The following SLC15A1 variants were observed in gnomAD, a reference collection of about 807,000 sequenced individuals.
The protein encoded by SLC15A1 is solute carrier family 15 member 1.
SLC15A1 carries 83 observed loss-of-function variants against 92.9 expected under a neutral mutation model. The ratio of observed to expected loss-of-function variants is 0.89; its 90% CI spans 0.75 to 1.07. The LOEUF (loss-of-function observed/expected upper bound fraction) is 1.07, where lower values mean the gene tolerates loss of function less well. Among genes scored for constraint, SLC15A1 ranks in the 50% least tolerant of loss-of-function variants. SLC15A1 has a pLI of 0.00. For missense variants in SLC15A1, 857 were observed against 880.1 expected (o/e 0.97, Z 0.33); for synonymous variants, 322 against 318.2 (o/e 1.01, Z -0.13).
chr13:98,704,971 G>A (rs557497863), intron 16 of SLC15A1, among the ~76,000 whole-genome samples: 1 of 152,016 alleles, frequency 6.6e-6, no homozygotes, highest in East Asian at 1.9e-4. Flanking sequence ...GGCTGAGGCA[G>A]GCCAATCTCT....
chr13:98,739,559 A>ACCTC (rs1425436186), intron 1 of SLC15A1, among the ~76,000 whole-genome samples: 2 of 151,520 alleles, frequency 1.3e-5, no homozygotes, highest in African/African-American at 4.9e-5. Flanking sequence ...AGTATGTAGC[A>ACCTC]CCTCCCTGCT....
At chr13:98,687,543 G>A (rs1370043413) in intron 21 of SLC15A1, 38 bp downstream of exon 21, 2 of 1,605,476 alleles carry the variant, frequency 1.2e-6, no homozygotes, top group Non-Finnish European at 1.7e-6. Context: ...GCAGGCAGGG[G>A]TATTGCAGAT....
intron 5 of SLC15A1, 46 bp from the exon 6 acceptor site, chr13:98,721,949 G>A: frequency 1.3e-6 from 2 of 1,507,416 alleles, no homozygotes; most frequent in South Asian, 1.2e-5. Context: ...ATCCTCGCAA[G>A]TAGAAGGCCT....
intron 18 of SLC15A1, among the ~76,000 whole-genome samples, chr13:98,698,049 T>C (rs1386133962): frequency 6.6e-6 from 1 of 152,042 alleles, no homozygotes; most frequent in Non-Finnish European, 1.5e-5. Context: ...GCCAACTAGG[T>C]TACGGGGAAA....
rs573179959 is a variant in SLC15A1, at chr13:98,687,627, C to G, written c.1781G>C (p.Gly594Ala). 6.2e-7 allele frequency: 1 copy of G among 1,614,140 alleles called. No homozygotes were observed. Among genetic ancestry groups the G allele is most frequent in the Admixed American group, 1.7e-5 (1 of 60,018 alleles). The change falls in exon 21 of 23, where the codon GGC (glycine) becomes GCC (alanine). Residue 594 changes from glycine to alanine, a missense_variant. By Grantham distance (60) the Gly-to-Ala change is moderately conservative (BLOSUM62 0). Coordinates refer to ENST00000376503, the MANE Select transcript of SLC15A1 (RefSeq NM_005073.4). ...TCCCGTGACAGAGAAGACCACTTCGCCACAGGTGAGAAGAAAATACTGCGG... is the reference window on the plus strand; with the variant it reads ...TCCCGTGACAGAGAAGACCACTTCGGCACAGGTGAGAAGAAAATACTGCGG... Reference protein sequence around the residue: ...QIPQYFLLTCGEVVFSVTGLE... With the variant: ...QIPQYFLLTCAEVVFSVTGLE...
At chr13:98,738,987 C>T (rs185402291) in intron 1 of SLC15A1, among the ~76,000 whole-genome samples, 3 of 152,228 alleles carry the variant, frequency 2.0e-5, no homozygotes, top group East Asian at 1.9e-4. Flanking sequence ...AAAGCCCTGG[C>T]ACCCCACTTC....
chr13:98,735,935 C>A (rs1425379962), intron 1 of SLC15A1, among the ~76,000 whole-genome samples: 2 of 152,162 alleles, frequency 1.3e-5, no homozygotes, highest in Admixed American at 1.3e-4. Flanking sequence ...TTTATAGATT[C>A]AATGCCATCC....
At chr13:98,749,128 G>T (rs1044943949) in intron 1 of SLC15A1, among the ~76,000 whole-genome samples, 1 of 152,218 alleles carries the variant, frequency 6.6e-6, no homozygotes, top group African/African-American at 2.4e-5. Context: ...TTGCAGCAGG[G>T]ACACCAGCTG....
intron 9 of SLC15A1, among the ~76,000 whole-genome samples, chr13:98,714,783 T>C (rs952334169): frequency 8.3e-6 from 1 of 119,972 alleles, no homozygotes; most frequent in Non-Finnish European, 1.6e-5. Flanking sequence ...ACACATGTGA[T>C]TTTTTTTTAA....
Position 98,684,861 on chromosome 13 carries a change from C to G in SLC15A1, c.1990G>C (p.Ala664Pro), listed in dbSNP as rs762394824. The G allele has an allele frequency of 6.2e-7, 1 of 1,614,014 alleles. No individual in the cohort carries two copies. The highest frequency in any genetic ancestry group is 8.5e-7 in the Non-Finnish European group (1 of 1,179,968). ...ALLLVVCVIF[A>P]IMARFYTYIN... ...TAAGTATAGAACCGAGCCATGATGG[C>G]AAAAATTACACAGACGACCAGAAGC... Residue 664 changes from alanine to proline, a missense_variant, in exon 23 of 23, where the codon GCC becomes CCC. Coordinates refer to ENST00000376503, the MANE Select transcript of SLC15A1 (RefSeq NM_005073.4).
chr13:98,716,687 T>C (rs79275485), intron 8 of SLC15A1, among the ~76,000 whole-genome samples: 4,492 of 152,258 alleles, frequency 0.03, 222 homozygotes, highest in African/African-American at 0.1. Context: ...AGAAACCTTT[T>C]TCTTTCTCTT....
chr13:98,722,030 A>ATCTAC, intron 5 of SLC15A1, 127 bp from the exon 6 acceptor site: 2 of 675,968 alleles, frequency 3.0e-6, no homozygotes, highest in South Asian at 2.6e-5. Flanking sequence ...ATCTCGCGAG[A>ATCTAC]AGCCAGCTCA....
At chr13:98,713,114 T>C (rs2088179936) in intron 9 of SLC15A1, among the ~76,000 whole-genome samples, 2 of 152,244 alleles carry the variant, frequency 1.3e-5, no homozygotes, top group African/African-American at 4.8e-5. Flanking sequence ...TGAAATACAG[T>C]GGCACTGTCT....
chr13:98,724,274 CAGG>C (rs2088281893), intron 4 of SLC15A1, among the ~76,000 whole-genome samples: 1 of 152,122 alleles, frequency 6.6e-6, no homozygotes, highest in Non-Finnish European at 1.5e-5. Context: ...GAGGCCAAAG[CAGG>C]AGGACTGCTT....
At chr13:98,708,609 T>G in intron 15 of SLC15A1, 77 bp downstream of exon 15, 1 of 1,309,508 alleles carries the variant, frequency 7.6e-7, no homozygotes, top group Non-Finnish European at 1.1e-6. Context: ...ATCCCCTTCA[T>G]GCTGAAGAAA....
chr13:98,733,559 G>T (rs1566457186), intron 1 of SLC15A1, among the ~76,000 whole-genome samples: 1 of 152,176 alleles, frequency 6.6e-6, no homozygotes, highest in Admixed American at 6.5e-5. Context: ...AGACAAAGTT[G>T]GTCCCACAAA....
intron 1 of SLC15A1, among the ~76,000 whole-genome samples, chr13:98,728,950 C>T (rs1272844561): frequency 1.7e-5 from 2 of 121,180 alleles, no homozygotes; most frequent in Non-Finnish European, 3.2e-5. Context: ...CACTGCACTC[C>T]AGCCTAGGCC....
chr13:98,689,009 G>A (rs774207183), intron 18 of SLC15A1, among the ~76,000 whole-genome samples: 2 of 151,656 alleles, frequency 1.3e-5, no homozygotes, highest in African/African-American at 2.4e-5. Flanking sequence ...GTGCAATCTC[G>A]GCTCACTGCA....
chr13:98,687,779 T>C (rs1440648146), intron 20 of SLC15A1, 55 bp from the exon 21 acceptor site: 5 of 1,594,276 alleles, frequency 3.1e-6, no homozygotes, highest in Non-Finnish European at 4.3e-6. Context: ...AAATAAAAAC[T>C]GTTCGAACAG....
Sources: gnomAD v4.1 joint callset for allele counts (sites outside exome capture counted in the v4.1 genomes callset) on GRCh38, gnomAD v4.1.1 for gene constraint, MANE v1.5 for transcripts, NCBI Gene and HGNC (gene_info 2026-07-23, HGNC 2026-07-21) for gene names.